The following LARP6 variants were observed in gnomAD, a reference collection of about 807,000 sequenced individuals.
LARP6 encodes the protein la-related protein 6.
A neutral mutation model predicts 32.8 loss-of-function variants in LARP6; 18 were observed. The observed-to-expected ratio is 0.55, with a 90% CI of 0.38 to 0.81. LARP6 has a LOEUF of 0.81. Ranked by LOEUF, LARP6 falls within the 40% of genes least tolerant of loss-of-function variation. The probability of loss-of-function intolerance (pLI) is 0.00; values close to 1 mark genes in which losing one functional copy is unlikely to be tolerated. For missense variants in LARP6, 598 were observed against 663.1 expected, an observed-to-expected ratio of 0.90 and a Z score of 1.08; for synonymous variants, 289 against 267.2, an observed-to-expected ratio of 1.08 and a Z score of -0.80.
In LARP6 at chr15:70,849,913, T is replaced by G. The variant is rs945113447; in HGVS notation, c.200+3976A>C. On this transcript the variant is annotated intron_variant, in intron 1 of 2. Coordinates refer to ENST00000299213, the MANE Select transcript of LARP6 (RefSeq NM_018357.4). ...AGAAACTTTTGTTCAATCCAGATGA[T>G]GAGACAAAGCTTTTTTTAAAAAAAA... The G allele has an allele frequency of 4.6e-5, 7 of 152,084 alleles. No homozygotes were observed. The East Asian group carries it at 1.3e-3, about 29-fold the overall frequency. 9.4% of individuals were successfully genotyped at this position (152,084 alleles called of 1,614,324 possible).
chr15:70,844,748 GTAGT>G (rs1328902599), intron 1 of LARP6, among the ~76,000 whole-genome samples: 1 of 152,018 alleles, frequency 6.6e-6, no homozygotes, highest in East Asian at 1.9e-4. Context: ...TTAAATTTTA[GTAGT>G]TATTTATTTA....
At position 70,829,763 on chromosome 15, in the gene LARP6, G is replaced by A. The variant is rs959533628; in HGVS notation, c.*2289C>T. ...CCCCACTTCAGGGTTCTTTTATAAT[G>A]TCACACAGGGCAATACGACCAAAGG... On this transcript the variant is annotated 3_prime_UTR_variant, in exon 3 of 3. Transcript: ENST00000299213. The A allele has an allele frequency of 4.6e-5, 7 of 151,498 alleles. No individual in the cohort carries two copies. The highest frequency in any genetic ancestry group is 2.6e-4 in the Admixed American group (4 of 15,160). The allele number at this position is 151,498 out of a possible 1,614,324, so 9.4% of individuals were successfully genotyped here.
chr15:70,837,442 C>T (rs4776529), intron 1 of LARP6, among the ~76,000 whole-genome samples: 64,011 of 152,092 alleles, frequency 0.42, 16,366 homozygotes, highest in Admixed American at 0.65. Context: ...ATGTGGCGCT[C>T]TGCCACGGGC....
Position 70,832,695 on chromosome 15 carries a change from G to C in LARP6, c.833C>G (p.Thr278Arg). The change falls in exon 3 of 3, where the codon ACA becomes AGA. Residue 278 changes from threonine to arginine, a missense_variant. Transcript: ENST00000299213. The part of the protein sequence containing the change: ...AAIKAHEFMI[T>R]ESQGKENMKA... ...CATGTTCTCTTTGCCCTGAGATTCT[G>C]TGATCATGAACTCATGGGCTTTGAT... The C allele has an allele frequency of 6.2e-7, 1 of 1,606,100 alleles. No individual in the cohort carries two copies. Among genetic ancestry groups the C allele is most frequent in the Non-Finnish European group, 8.5e-7 (1 of 1,177,266 alleles).
At position 70,831,793 on chromosome 15, in the gene LARP6, A is replaced by G. The variant is rs1244497939; in HGVS notation, c.*259T>C. 3.8e-5 allele frequency: 12 copies of G among 315,296 alleles called. No homozygotes were observed. Among genetic ancestry groups the G allele is most frequent in the Non-Finnish European group, 6.3e-5 (11 of 173,770 alleles). The allele number at this position is 315,296 out of a possible 1,614,324, so 19.5% of individuals were successfully genotyped here. A position where few individuals can be genotyped will look rare whatever the true frequency, so the allele number is the denominator to read the frequency against. Reference sequence around the variant, plus strand: ...GGGAACCTCCGTCCTACAGCCCTTCAGGGCCATCACACTCACACACATCAG... The same window carrying G: ...GGGAACCTCCGTCCTACAGCCCTTCGGGGCCATCACACTCACACACATCAG... On this transcript the variant is annotated 3_prime_UTR_variant, in exon 3 of 3. Coordinates refer to ENST00000299213, the MANE Select transcript of LARP6 (RefSeq NM_018357.4).
intron 1 of LARP6, among the ~76,000 whole-genome samples, chr15:70,842,240 G>A (rs1315785079): frequency 6.6e-6 from 1 of 151,790 alleles, no homozygotes; most frequent in African/African-American, 2.4e-5. Context: ...TAGAGATGGG[G>A]TTTTGCCTTG....
At chr15:70,836,814 C>T (rs1318709599) in intron 1 of LARP6, among the ~76,000 whole-genome samples, 2 of 152,106 alleles carry the variant, frequency 1.3e-5, no homozygotes, top group African/African-American at 4.8e-5. Context: ...CAAAGACTGC[C>T]ACCAGAAGCG....
rs147569781 is a variant in LARP6 at position 70,840,743 on chromosome 15, G to A, written c.201-4238C>T. Among the ~76,000 whole-genome samples, 1,047 of 152,172 alleles carry A rather than the reference G, an allele frequency of 6.9e-3. 15 individuals carry two copies. The highest frequency in any genetic ancestry group is 0.023 in the African/African-American group (947 of 41,516). ...CAAATGGTCTAACTTACTACAAATA[G>A]CTAGTATCTCAGAAGTGACTGCACT... On this transcript the variant is annotated intron_variant, in intron 1 of 2. Transcript: ENST00000299213.
At chr15:70,851,766 A>AG in intron 1 of LARP6, 1 of 1,613,568 alleles carries the variant, frequency 6.2e-7, no homozygotes, top group South Asian at 1.1e-5. Flanking sequence ...GGAAGGTGCT[A>AG]GGCATAAAAT....
chr15:70,852,278 G>A (rs549373060), intron 1 of LARP6: 4 of 455,952 alleles, frequency 8.8e-6, no homozygotes, highest in South Asian at 6.2e-5. Flanking sequence ...TGGGCAGCAG[G>A]AAGGGCTTCA....
intron 2 of LARP6, among the ~76,000 whole-genome samples, chr15:70,833,976 A>G (rs1166780144): frequency 2.0e-5 from 3 of 152,220 alleles, no homozygotes; most frequent in Non-Finnish European, 4.4e-5. Context: ...GTAATTTTCT[A>G]GAGGCCCACT....
Position 70,832,361 on chromosome 15 carries a change from G to A in LARP6, c.1167C>T (p.Arg389=), listed in dbSNP as rs1198082382. Residue 389 remains arginine (R), a synonymous_variant, in exon 3 of 3, where the codon CGC becomes CGT. Coordinates refer to ENST00000299213, the MANE Select transcript of LARP6 (RefSeq NM_018357.4). ...TSPWSSPLAQ[R]KGVSRKSPLA... is the part of the protein sequence containing the mutation. ...GTGGGGACTTTCTGGAAACGCCTTT[G>A]CGTTGGGCCAAGGGGCTGCTCCAAG... is the stretch of plus-strand genomic sequence containing the variant. 3 of 1,613,938 alleles carry A rather than the reference G, an allele frequency of 1.9e-6. No homozygotes were observed. The highest frequency in any genetic ancestry group is 2.5e-6 in the Non-Finnish European group (3 of 1,179,934).
rs2031999948 is a variant in LARP6 at position 70,829,357 on chromosome 15, T to A, written c.*2695A>T. On this transcript the variant is annotated 3_prime_UTR_variant, in exon 3 of 3. Transcript: ENST00000299213. ...GGTTTTACCACATTAGCCAGGATAG[T>A]CTCAATCTCCTGACCTCATGATCTG... is the stretch of plus-strand genomic sequence containing the variant. The A allele has an allele frequency of 6.6e-6, 1 of 151,868 alleles. No individual in the cohort carries two copies. Among genetic ancestry groups the A allele is most frequent in the African/African-American group, 2.4e-5 (1 of 41,296 alleles). 9.4% of individuals were successfully genotyped at this position (151,868 alleles called of 1,614,324 possible).
At chr15:70,842,513 A>G (rs1163793408) in intron 1 of LARP6, among the ~76,000 whole-genome samples, 1 of 152,130 alleles carries the variant, frequency 6.6e-6, no homozygotes, top group Non-Finnish European at 1.5e-5. Flanking sequence ...TGCAGTCCTC[A>G]ATTCCTAACT....
intron 1 of LARP6, among the ~76,000 whole-genome samples, chr15:70,840,619 C>A (rs533386348): frequency 6.6e-6 from 1 of 152,114 alleles, no homozygotes; most frequent in African/African-American, 2.4e-5. Flanking sequence ...AAAGGGAATT[C>A]CCGGCCCAGC....
rs1225597022 is a variant in LARP6, at chr15:70,831,326, T to C, written c.*726A>G. On this transcript the variant is annotated 3_prime_UTR_variant, in exon 3 of 3. Transcript: ENST00000299213. ...TGCCCTGGGGTACAGTGAGAAACCC[T>C]AAATGCCCTGACTTGATCACTATGC... 6.6e-6 allele frequency: 1 copy of C among 152,244 alleles called. No homozygotes were observed. Among genetic ancestry groups the C allele is most frequent in the Non-Finnish European group, 1.5e-5 (1 of 68,046 alleles). 9.4% of individuals were successfully genotyped at this position (152,244 alleles called of 1,614,324 possible). A position where few individuals can be genotyped will look rare whatever the true frequency, so the allele number is the denominator to read the frequency against.
At chr15:70,850,058 A>T (rs1161348850) in intron 1 of LARP6, among the ~76,000 whole-genome samples, 1 of 152,254 alleles carries the variant, frequency 6.6e-6, no homozygotes, top group Non-Finnish European at 1.5e-5. Context: ...TAAAATAATT[A>T]GGTGAAAAGT....
At chr15:70,846,038 T>G (rs1012686053) in intron 1 of LARP6, among the ~76,000 whole-genome samples, 6 of 152,242 alleles carry the variant, frequency 3.9e-5, no homozygotes, top group Non-Finnish European at 7.3e-5. Flanking sequence ...TAGGAAATTG[T>G]TCTAAAGGAA....
chr15:70,854,061 G>T lies in LARP6; in HGVS notation c.28C>A (p.Pro10Thr). 1 of 1,389,464 alleles carries T rather than the reference G, an allele frequency of 7.2e-7. No homozygotes were observed. The highest frequency in any genetic ancestry group is 1.6e-5 in the South Asian group (1 of 61,408). The allele number at this position is 1,389,464 out of a possible 1,614,324, so 86.1% of individuals were successfully genotyped here. ...ATCTGCACCGCCGTCTTGGGCCCGG[G>T]CCGAGCCTCCCCGCCGGACTGGGCC... MAQSGGEAR[P>T]GPKTAVQIRV... Residue 10 changes from proline to threonine, a missense_variant, in exon 1 of 3, where the codon CCC (proline) becomes ACC (threonine). Pro to Thr is a conservative substitution (Grantham distance 38, BLOSUM62 -1). Around this residue, in one of 3 missense-constraint regions of LARP6, gnomAD observed 161 missense variants for 148.6 expected, o/e 1.08. Coordinates refer to ENST00000299213, the MANE Select transcript of LARP6 (RefSeq NM_018357.4).
Sources: gnomAD v4.1 joint callset for allele counts (sites outside exome capture counted in the v4.1 genomes callset) on GRCh38, gnomAD v4.1.1 for gene constraint, gnomAD v4.1.1 regional missense constraint, MANE v1.5 for transcripts, NCBI Gene and HGNC (gene_info 2026-07-23, HGNC 2026-07-21) for gene names.